FRMD1: variants seen among roughly 807,000 people sequenced by gnomAD.
The protein encoded by FRMD1 is FERM domain containing 1.
In FRMD1, 51 loss-of-function variants were observed where a neutral mutation model predicts 54.9. The observed-to-expected ratio is 0.93, with a 90% CI of 0.74 to 1.17. The LOEUF (loss-of-function observed/expected upper bound fraction) is 1.17, where lower values mean the gene tolerates loss of function less well. Ranked by LOEUF, FRMD1 falls within the 50% of genes most tolerant of loss-of-function variation. FRMD1 has a pLI of 0.00. For synonymous variants in FRMD1, 324 were observed against 306.4 expected, an observed-to-expected ratio of 1.06 and a Z score of -0.60; for missense variants, 729 against 743.0, an observed-to-expected ratio of 0.98 and a Z score of 0.22.
rs772265105 is a variant in FRMD1 at position 168,060,932 on chromosome 6, C to T, written c.1171G>A (p.Asp391Asn). ...CPHCLSRHSA[D>N]SHGSSYTSGI... ...GACGTGTAGGAACTGCCGTGGCTGT[C>T]GGCGGAGTGGCGTGAGAGGCAGTGG... The change falls in exon 9 of 11, where the codon GAC becomes AAC. Residue 391 changes from aspartate to asparagine, a missense_variant. Coordinates refer to ENST00000283309, the MANE Select transcript of FRMD1 (RefSeq NM_024919.6). 6.2e-6 allele frequency: 10 copies of T among 1,613,678 alleles called. No individual in the cohort carries two copies. The highest frequency in any genetic ancestry group is 4.4e-5 in the South Asian group (4 of 91,064).
chr6:168,079,969 G>T (rs189673601), upstream of FRMD1, among the ~76,000 whole-genome samples: 2 of 152,286 alleles, frequency 1.3e-5, no homozygotes, highest in African/African-American at 4.8e-5. Flanking sequence ...ACCTTTGGGC[G>T]CTGCAGGTCA....
upstream of FRMD1, among the ~76,000 whole-genome samples, chr6:168,079,728 T>C (rs1800773562): frequency 6.6e-6 from 1 of 152,122 alleles, no homozygotes; most frequent in Non-Finnish European, 1.5e-5. Flanking sequence ...TCCTTCCTTG[T>C]CCAGGGCCAG....
At chr6:168,066,684 G>A in intron 4 of FRMD1, 71 bp downstream of exon 4, 1 of 1,529,710 alleles carries the variant, frequency 6.5e-7, no homozygotes, top group Non-Finnish European at 8.8e-7. Context: ...GTGGCCTTCA[G>A]GGGACTTCCA....
In FRMD1 at chr6:168,057,257, T is replaced by TGCA. The variant is rs1562402433; in HGVS notation, c.1487_1489dup (p.Leu496dup). On this transcript the variant is annotated inframe_insertion, in exon 11 of 11. Transcript: ENST00000283309. The stretch of plus-strand genomic sequence containing the variant: ...ATGGCTGAGTGAGGTGGGCGCTGGG[T>TGCA]GCAGGGCCAGCTGGTGCAGCTGCAT... 6.2e-6 allele frequency: 10 copies of TGCA among 1,610,974 alleles called. No homozygotes were observed. Among genetic ancestry groups the TGCA allele is most frequent in the Admixed American group, 1.7e-5 (1 of 59,760 alleles).
Position 168,074,005 on chromosome 6 carries a change from T to C in FRMD1, c.304+1240A>G, listed in dbSNP as rs115747247. 6.2e-3 allele frequency among the ~76,000 whole-genome samples: 936 copies of C among 152,134 alleles called. 7 individuals are homozygous for C. The highest frequency in any genetic ancestry group is 0.021 in the African/African-American group (880 of 41,500). On this transcript the variant is annotated intron_variant, in intron 2 of 10. Transcript: ENST00000283309. ...CTGTCCATGCCCCATGTAGCCTCCC[T>C]CGGCTTGGCTGGGGAGAGGGGGCCA...
At chr6:168,077,460 CA>C (rs1800650312) in intron 1 of FRMD1, among the ~76,000 whole-genome samples, 1 of 97,504 alleles carries the variant, frequency 1.0e-5, no homozygotes, top group African/African-American at 3.6e-5. Flanking sequence ...CACAGATGTG[CA>C]CACACCCTGT....
intron 2 of FRMD1, among the ~76,000 whole-genome samples, chr6:168,072,924 G>T (rs1800382111): frequency 6.6e-6 from 1 of 152,194 alleles, no homozygotes; most frequent in South Asian, 2.1e-4. Flanking sequence ...CTCTCACTGT[G>T]ATTAAAAGTG....
At chr6:168,058,137 G>T (rs368740120) in intron 10 of FRMD1, among the ~76,000 whole-genome samples, 12 of 151,940 alleles carry the variant, frequency 7.9e-5, no homozygotes, top group African/African-American at 2.9e-4. Context: ...CCCTCCTCCC[G>T]TGCCCAGCCC....
At chr6:168,083,554 T>A (rs1472437465), upstream of FRMD1, among the ~76,000 whole-genome samples, 1 of 152,236 alleles carries the variant, frequency 6.6e-6, no homozygotes, top group African/African-American at 2.4e-5. Flanking sequence ...CGGAGAAGTC[T>A]GCCTGTTAGG....
At position 168,066,768 on chromosome 6, in the gene FRMD1, C is replaced by T. The variant is rs41266313; in HGVS notation, c.448G>A (p.Gly150Arg). 0.011 allele frequency: 17,133 copies of T among 1,613,902 alleles called. 141 individuals carry two copies. Among genetic ancestry groups the T allele is most frequent in the Non-Finnish European group, 0.013 (14,769 of 1,179,968 alleles). Residue 150 changes from glycine to arginine, a missense_variant, in exon 4 of 11, where the codon GGA becomes AGA. Coordinates refer to ENST00000283309, the MANE Select transcript of FRMD1 (RefSeq NM_024919.6). ...FLRVQHYVEN[G>R]RVISDHRARH... ...GCATGCCGTTACCTTATGACCCTTCCGTTTTCCACGTAGTGCTGCACTCGG... is the reference window on the plus strand; with the variant it reads ...GCATGCCGTTACCTTATGACCCTTCTGTTTTCCACGTAGTGCTGCACTCGG...
intron 4 of FRMD1, 25 bp from the exon 5 acceptor site, chr6:168,065,082 C>T (rs1256504696): frequency 6.3e-7 from 1 of 1,583,064 alleles, no homozygotes; most frequent in Non-Finnish European, 8.6e-7. Context: ...GGAGTGAGTT[C>T]CAGGACGACC....
chr6:168,086,226 A>C (rs1800915442), upstream of FRMD1, among the ~76,000 whole-genome samples: 1 of 150,132 alleles, frequency 6.7e-6, no homozygotes, highest in African/African-American at 2.5e-5. Flanking sequence ...CAGCATGGAC[A>C]CCCACATCTT....
intron 4 of FRMD1, chr6:168,065,713 C>A: frequency 1.0e-6 from 1 of 987,530 alleles, no homozygotes; most frequent in Non-Finnish European, 1.2e-6. Context: ...GTCTCCAGGG[C>A]TCTCCACACA....
chr6:168,075,664 C>T, intron 1 of FRMD1: 2 of 1,173,850 alleles, frequency 1.7e-6, no homozygotes, highest in Admixed American at 2.0e-5. Flanking sequence ...ACTCCAGGGC[C>T]GCCCTCTGGG....
chr6:168,073,988 G>GC (rs1356239886), intron 2 of FRMD1, among the ~76,000 whole-genome samples: 1 of 152,048 alleles, frequency 6.6e-6, no homozygotes, highest in Non-Finnish European at 1.5e-5. Flanking sequence ...ATCTGTCCAT[G>GC]CCCCATGTAG....
rs763618287 is a variant in FRMD1, at chr6:168,064,967, C to T, written c.552G>A (p.Leu184=). 1.2e-6 allele frequency: 2 copies of T among 1,612,006 alleles called. No individual in the cohort carries two copies. Among genetic ancestry groups the T allele is most frequent in the South Asian group, 2.2e-5 (2 of 91,010 alleles). The change falls in exon 5 of 11, where the codon CTG becomes CTA. Residue 184 remains leucine (L), a synonymous_variant. Transcript: ENST00000283309. ...QCAHREEAYF[L]LAACALQADL... ...CAGCCTGCAGCGCGCAGGCAGCCAG[C>T]AGGAAGTAGGCTTCCTCCCGGTGAG...
At chr6:168,057,685 A>G (rs571916332) in intron 10 of FRMD1, 2 of 273,318 alleles carry the variant, frequency 7.3e-6, no homozygotes. Flanking sequence ...GAAGCACCTC[A>G]GTGGTCAAGA....
At chr6:168,057,790 G>A (rs902670982) in intron 10 of FRMD1, 14 of 181,126 alleles carry the variant, frequency 7.7e-5, no homozygotes, top group African/African-American at 1.4e-4. Context: ...CAGCGTCATC[G>A]CCCTTAAGTG....
upstream of FRMD1, among the ~76,000 whole-genome samples, chr6:168,082,673 G>A (rs574652641): frequency 4.6e-5 from 7 of 152,248 alleles, no homozygotes; most frequent in East Asian, 1.9e-4. Flanking sequence ...GAGACCCACC[G>A]CAAAGCTCCT....
Sources: gnomAD v4.1 joint callset for allele counts (sites outside exome capture counted in the v4.1 genomes callset) on GRCh38, gnomAD v4.1.1 for gene constraint, MANE v1.5 for transcripts, NCBI Gene and HGNC (gene_info 2026-07-23, HGNC 2026-07-21) for gene names.